The following COG5 variants were observed in gnomAD, a reference collection of about 807,000 sequenced individuals.
COG5 encodes the protein conserved oligomeric Golgi complex subunit 5.
In COG5, 86 loss-of-function variants were observed where a neutral mutation model predicts 110.4. The observed-to-expected ratio is 0.78, with a 90% CI of 0.65 to 0.93. COG5 has a LOEUF of 0.93. Among genes scored for constraint, COG5 ranks in the 40% least tolerant of loss-of-function variants. COG5 has a pLI of 0.00. For synonymous variants in COG5, 360 were observed against 334.6 expected (o/e 1.08, Z -0.83); for missense variants, 1,077 against 987.0 (o/e 1.09, Z -1.22).
rs1022152894 is a variant in COG5, at chr7:107,201,596, T to C, written c.*1920A>G. On this transcript the variant is annotated 3_prime_UTR_variant, in exon 22 of 22. Transcript: ENST00000297135. ...TTTAATAATATGAGTGAGGATTTGC[T>C]TTCTCCATTAGAGCATTAAGCTAAA... 2 of 458,478 alleles carry C rather than the reference T, an allele frequency of 4.4e-6. No homozygotes were observed. Among genetic ancestry groups the C allele is most frequent in the Non-Finnish European group, 8.0e-6 (2 of 250,424 alleles). 28.4% of individuals were successfully genotyped at this position (458,478 alleles called of 1,614,324 possible).
chr7:107,302,849 C>T (rs1170684651), intron 11 of COG5, among the ~76,000 whole-genome samples: 1 of 152,166 alleles, frequency 6.6e-6, no homozygotes, highest in Non-Finnish European at 1.5e-5. Flanking sequence ...GGGCCCATGT[C>T]ATATCACCCT....
intron 7 of COG5, among the ~76,000 whole-genome samples, chr7:107,393,886 T>C (rs1038487797): frequency 5.9e-5 from 9 of 152,306 alleles, no homozygotes; most frequent in African/African-American, 1.7e-4. Flanking sequence ...ATCAATCTTC[T>C]ATGAAATTTC....
intron 11 of COG5, among the ~76,000 whole-genome samples, chr7:107,317,731 C>A (rs1022037002): frequency 1.3e-5 from 2 of 151,988 alleles, no homozygotes; most frequent in Admixed American, 1.3e-4. Context: ...TGTTTAATAT[C>A]CAATAAAAAT....
intron 10 of COG5, among the ~76,000 whole-genome samples, chr7:107,351,372 G>C (rs1165606897): frequency 6.6e-6 from 1 of 152,130 alleles, no homozygotes; most frequent in African/African-American, 2.4e-5. Context: ...GAAAACCCAG[G>C]CAATACCATT....
chr7:107,491,771 T>G (rs763961098), intron 6 of COG5, among the ~76,000 whole-genome samples: 1 of 152,162 alleles, frequency 6.6e-6, no homozygotes, highest in East Asian at 1.9e-4. Context: ...GCAGCCTCAA[T>G]AGAAAATTCC....
At chr7:107,510,587 G>A (rs1224712523) in intron 6 of COG5, among the ~76,000 whole-genome samples, 1 of 152,158 alleles carries the variant, frequency 6.6e-6, no homozygotes, top group South Asian at 2.1e-4. Flanking sequence ...TAAATCAACA[G>A]AATATACATT....
chr7:107,447,877 C>T (rs116450743), intron 6 of COG5, among the ~76,000 whole-genome samples: 3 of 152,162 alleles, frequency 2.0e-5, no homozygotes, highest in Non-Finnish European at 2.9e-5. Flanking sequence ...TACTGACAGT[C>T]GGGCACAGTG....
At chr7:107,231,660 GGCC>G (rs776834210) in intron 18 of COG5, among the ~76,000 whole-genome samples, 1 of 152,068 alleles carries the variant, frequency 6.6e-6, no homozygotes, top group African/African-American at 2.4e-5. Context: ...CTGTCCTGCT[GGCC>G]ACCCTTACAA....
At chr7:107,365,276 G>T (rs1813498771) in intron 8 of COG5, among the ~76,000 whole-genome samples, 1 of 151,936 alleles carries the variant, frequency 6.6e-6, no homozygotes. Context: ...AGTGACGGTG[G>T]AATAAAATCA....
At chr7:107,295,095 A>ATT (rs1562955818) in intron 12 of COG5, among the ~76,000 whole-genome samples, 1 of 75,852 alleles carries the variant, frequency 1.3e-5, no homozygotes, top group Non-Finnish European at 2.5e-5. Flanking sequence ...ATATATATAT[A>ATT]TATATATTTT....
rs76022105 is a variant in COG5, at chr7:107,272,721, C to T, written c.1575+8579G>A. On this transcript the variant is annotated intron_variant, in intron 14 of 21. Coordinates refer to ENST00000297135, the MANE Select transcript of COG5 (RefSeq NM_006348.5). ...CCCTAAGGTATTGAATATGCTAAGA[C>T]TATCTAAGAGATAGAGAAAGAGAAA... 2.7e-3 allele frequency among the ~76,000 whole-genome samples: 408 copies of T among 152,234 alleles called. 5 individuals are homozygous for T. The highest frequency in any genetic ancestry group is 8.9e-3 in the African/African-American group (368 of 41,538).
rs1799077811 is a variant in COG5, at chr7:107,210,421, G to A, written c.2375+105C>T. The A allele has an allele frequency of 2.0e-6, 3 of 1,517,716 alleles. 1 individual carries two copies. Among genetic ancestry groups the A allele is most frequent in the Non-Finnish European group, 2.7e-6 (3 of 1,128,434 alleles). 94.0% of individuals were successfully genotyped at this position (1,517,716 alleles called of 1,614,324 possible). A position where few individuals can be genotyped will look rare whatever the true frequency, so the allele number is the denominator to read the frequency against. ...AGGTGGCCCGCCACTGGAAGGTGCA[G>A]TCACATGTCCATGCCCCCAGGCACT... On this transcript the variant is annotated intron_variant, in intron 21 of 21. Transcript: ENST00000297135.
chr7:107,310,998 T>C (rs934673021), intron 11 of COG5, among the ~76,000 whole-genome samples: 4 of 152,202 alleles, frequency 2.6e-5, no homozygotes, highest in African/African-American at 9.6e-5. Flanking sequence ...CAACATAGTT[T>C]GTTTAACTAA....
chr7:107,471,486 T>G (rs2129108848), intron 6 of COG5: 1 of 152,160 alleles, frequency 6.6e-6, no homozygotes, highest in East Asian at 1.9e-4. Flanking sequence ...AACACGACTT[T>G]AAGACATTAA....
intron 10 of COG5, among the ~76,000 whole-genome samples, chr7:107,352,134 A>C (rs1812204042): frequency 6.7e-6 from 1 of 149,066 alleles, no homozygotes; most frequent in Non-Finnish European, 1.5e-5. Flanking sequence ...CAGCCATAAA[A>C]AATGATGAGT....
In COG5 at chr7:107,527,269, A is replaced by G; in HGVS notation, c.506T>C (p.Ile169Thr). The change falls in exon 6 of 22, where the codon ATA becomes ACA. Residue 169 changes from isoleucine to threonine, a missense_variant. Coordinates refer to ENST00000297135, the MANE Select transcript of COG5 (RefSeq NM_006348.5). ...QGQLQGGSRE[I>T]TKAAQSLNEL... ...ATTGAGACTCTGAGCAGCTTTTGTT[A>G]TCTCTCTACTTCCCCCTTGCAGTTG... 1 of 1,605,602 alleles carries G rather than the reference A, an allele frequency of 6.2e-7. No individual in the cohort carries two copies. The highest frequency in any genetic ancestry group is 8.5e-7 in the Non-Finnish European group (1 of 1,175,220).
At chr7:107,559,368 A>G (rs1803594861) in intron 1 of COG5, among the ~76,000 whole-genome samples, 1 of 152,246 alleles carries the variant, frequency 6.6e-6, no homozygotes, top group African/African-American at 2.4e-5. Context: ...CTAATGATAC[A>G]GTAGATACAA....
chr7:107,502,959 G>A (rs537203464), intron 6 of COG5, among the ~76,000 whole-genome samples: 1 of 152,088 alleles, frequency 6.6e-6, no homozygotes, highest in East Asian at 1.9e-4. Flanking sequence ...CCGTTCTGTG[G>A]GTTGTCTGTT....
chr7:107,318,451 T>C (rs953176070), intron 11 of COG5, among the ~76,000 whole-genome samples: 3 of 152,200 alleles, frequency 2.0e-5, no homozygotes, highest in African/African-American at 7.2e-5. Context: ...TTAAAAAACT[T>C]TTTAGAGTGA....
Sources: gnomAD v4.1 joint callset for allele counts (sites outside exome capture counted in the v4.1 genomes callset) on GRCh38, gnomAD v4.1.1 for gene constraint, MANE v1.5 for transcripts, NCBI Gene and HGNC (gene_info 2026-07-23, HGNC 2026-07-21) for gene names.